The following ARID1B variants were observed in gnomAD, a reference collection of about 807,000 sequenced individuals.
The protein encoded by ARID1B is AT-rich interactive domain-containing protein 1B.
ARID1B carries 30 observed loss-of-function variants against 212.3 expected under a neutral mutation model. The observed-to-expected ratio is 0.14, with a 90% CI of 0.11 to 0.19. The LOEUF (loss-of-function observed/expected upper bound fraction) is 0.19, where lower values mean the gene tolerates loss of function less well. Among genes scored for constraint, ARID1B ranks in the 10% least tolerant of loss-of-function variants. The pLI is 1.00. For synonymous variants in ARID1B, 1,402 were observed against 1,301.7 expected, an observed-to-expected ratio of 1.08 and a Z score of -1.66; for missense variants, 2,891 against 3,204.0, an observed-to-expected ratio of 0.90 and a Z score of 2.36.
Position 157,004,894 on chromosome 6 carries a change from TTTC to T in ARID1B, c.2247+69321_2247+69323del, listed in dbSNP as rs1562542202. On this transcript the variant is annotated intron_variant, in intron 4 of 19. Transcript: ENST00000636930. ...TTCTTTTTTCTTTTTCTTCTTCTTT[TTTC>T]TTTTTTTTTTTTTTTTTTTTTTTTT... Among the ~76,000 whole-genome samples, 54 of 28,188 alleles carry T rather than the reference TTTC, an allele frequency of 1.9e-3. 2 individuals are homozygous for T. Among genetic ancestry groups the T allele is most frequent in the African/African-American group, 8.7e-3 (37 of 4,254 alleles). The allele number at this position is 28,188 out of a possible 152,430, so 18.5% of individuals were successfully genotyped here.
intron 1 of ARID1B, among the ~76,000 whole-genome samples, chr6:156,815,160 A>G (rs1186512604): frequency 1.3e-5 from 2 of 152,204 alleles, no homozygotes; most frequent in African/African-American, 4.8e-5. Flanking sequence ...AGTATGGGAA[A>G]TTGAAATGGC....
intron 2 of ARID1B, among the ~76,000 whole-genome samples, chr6:156,835,658 T>C (rs1261423702): frequency 6.6e-6 from 1 of 152,258 alleles, no homozygotes; most frequent in Non-Finnish European, 1.5e-5. Context: ...TGAGTTCCAC[T>C]ATGTATTTTA....
intron 9 of ARID1B, chr6:157,172,732 A>G (rs765241656): frequency 6.6e-6 from 1 of 152,224 alleles, no homozygotes; most frequent in Non-Finnish European, 1.5e-5. Context: ...ATTATTTTCT[A>G]AAACATAGTA....
intron 4 of ARID1B, among the ~76,000 whole-genome samples, chr6:156,952,182 T>C (rs1334472706): frequency 2.0e-5 from 3 of 152,142 alleles, no homozygotes; most frequent in Non-Finnish European, 2.9e-5. Context: ...GTGAGTGACA[T>C]TTGTAATTTA....
intron 4 of ARID1B, among the ~76,000 whole-genome samples, chr6:157,002,500 C>G (rs925265324): frequency 9.8e-5 from 15 of 152,314 alleles, no homozygotes; most frequent in Non-Finnish European, 1.8e-4. Context: ...ACAAAGGAAA[C>G]AAACTTAACT....
At chr6:157,014,908 A>G (rs888346728) in intron 4 of ARID1B, among the ~76,000 whole-genome samples, 7 of 152,260 alleles carry the variant, frequency 4.6e-5, no homozygotes, top group Admixed American at 3.3e-4. Flanking sequence ...GGATAGCACA[A>G]TAATATGCCA....
intron 7 of ARID1B, among the ~76,000 whole-genome samples, chr6:157,143,437 TG>T (rs139635777): frequency 3.4e-5 from 5 of 148,502 alleles, no homozygotes; most frequent in Non-Finnish European, 7.4e-5. Flanking sequence ...ATCGAGTAGT[TG>T]GGGGGGGCAT....
At chr6:157,025,347 T>TGG (rs1156375907) in intron 4 of ARID1B, among the ~76,000 whole-genome samples, 1 of 152,254 alleles carries the variant, frequency 6.6e-6, no homozygotes, top group Non-Finnish European at 1.5e-5. Context: ...CTGAGCATTG[T>TGG]GGATGGATTA....
intron 2 of ARID1B, among the ~76,000 whole-genome samples, chr6:156,867,609 G>A (rs371762854): frequency 6.6e-6 from 1 of 152,048 alleles, no homozygotes; most frequent in Non-Finnish European, 1.5e-5. Context: ...ACATTTGAAC[G>A]GTATGTGAAT....
rs567719662 is a variant in ARID1B, at chr6:156,893,045, C to CTTTTTTTTTTTTTTTT, written c.1987-8316_1987-8315insTTTTTTTTTTTTTTTT. On this transcript the variant is annotated intron_variant, in intron 2 of 19. Transcript: ENST00000636930. The stretch of plus-strand genomic sequence containing the variant: ...AACTCTTTTTTTTTCTTTTTTCTTC[C>CTTTTTTTTTTTTTTTT]TTTTTTTTTTTTTTTGAGATGGAGT... Among the ~76,000 whole-genome samples the CTTTTTTTTTTTTTTTT allele has an allele frequency of 4.8e-4, 41 of 85,918 alleles. 2 individuals are homozygous for CTTTTTTTTTTTTTTTT. Among genetic ancestry groups the CTTTTTTTTTTTTTTTT allele is most frequent in the African/African-American group, 1.7e-3 (37 of 21,320 alleles). 56.4% of individuals were successfully genotyped at this position (85,918 alleles called of 152,430 possible).
chr6:156,783,094 A>G (rs1399436238), intron 1 of ARID1B, among the ~76,000 whole-genome samples: 7 of 152,006 alleles, frequency 4.6e-5, no homozygotes, highest in Non-Finnish European at 8.8e-5. Flanking sequence ...CCTTGAATCT[A>G]TAATGAGGAA....
intron 3 of ARID1B, among the ~76,000 whole-genome samples, chr6:156,924,165 C>T (rs1445049312): frequency 6.6e-6 from 1 of 152,166 alleles, no homozygotes; most frequent in Non-Finnish European, 1.5e-5. Flanking sequence ...ATACAGTCAT[C>T]CCCCTTGTCA....
intron 1 of ARID1B, among the ~76,000 whole-genome samples, chr6:156,813,071 TAC>T (rs772528417): frequency 2.1e-4 from 20 of 96,402 alleles, no homozygotes; most frequent in East Asian, 5.5e-4. Context: ...CATATATATA[TAC>T]ACACATACGT....
rs527535044 is a variant in ARID1B at position 157,110,597 on chromosome 6, G to A, written c.2581+36G>A. 12 of 1,593,932 alleles carry A rather than the reference G, an allele frequency of 7.5e-6. No homozygotes were observed. The African/African-American group carries it at 1.3e-4, about 18-fold the overall frequency. ...AGTTCATGTCTTACATGCCTATAGT[G>A]CTTTCAGGCGATAAGGCGTACGTGA... On this transcript the variant is annotated intron_variant, in intron 6 of 19. Transcript: ENST00000636930.
At chr6:157,050,445 G>T (rs1164379221) in intron 4 of ARID1B, among the ~76,000 whole-genome samples, 3 of 152,186 alleles carry the variant, frequency 2.0e-5, no homozygotes, top group South Asian at 4.1e-4. Context: ...TCAGGAGGCT[G>T]AGGCAGGAGA....
intron 6 of ARID1B, among the ~76,000 whole-genome samples, chr6:157,130,181 A>AG (rs1196721223): frequency 8.5e-5 from 13 of 152,082 alleles, no homozygotes; most frequent in Non-Finnish European, 1.6e-4. Context: ...AAAAAAAAAA[A>AG]GAATATAGTA....
At chr6:157,195,101 A>G (rs1035742451) in intron 15 of ARID1B, 2 of 152,234 alleles carry the variant, frequency 1.3e-5, no homozygotes, top group African/African-American at 4.8e-5. Context: ...TTAGTTTTCT[A>G]TGTTGTTATA....
chr6:157,006,817 A>G (rs1779272755), intron 4 of ARID1B, among the ~76,000 whole-genome samples: 1 of 152,246 alleles, frequency 6.6e-6, no homozygotes, highest in African/African-American at 2.4e-5. Flanking sequence ...AGGAGACTTT[A>G]TTCACAAGAA....
At chr6:156,867,907 A>G (rs1785822249) in intron 2 of ARID1B, among the ~76,000 whole-genome samples, 1 of 152,246 alleles carries the variant, frequency 6.6e-6, no homozygotes, top group South Asian at 2.1e-4. Context: ...AATAATTTTA[A>G]TGTCCGAAAC....
Sources: allele counts gnomAD v4.1 joint callset (sites outside exome capture counted in the v4.1 genomes callset), GRCh38; gene constraint gnomAD v4.1.1; transcripts MANE v1.5; gene names NCBI Gene and HGNC (gene_info 2026-07-23, HGNC 2026-07-21).